Variants in GRAMD2B observed in about 807,000 individuals in gnomAD.
The protein encoded by GRAMD2B is GRAM domain containing 2B.
A neutral mutation model predicts 59.2 loss-of-function variants in GRAMD2B; 41 were observed. The observed-to-expected ratio is 0.69, with a 90% confidence interval of 0.54 to 0.90. The LOEUF is 0.90. Among genes scored for constraint, GRAMD2B ranks in the 40% least tolerant of loss-of-function variants. The pLI, the probability that GRAMD2B is intolerant of heterozygous loss-of-function variation, is 0.00. For synonymous variants in GRAMD2B, 161 were observed against 182.7 expected (o/e 0.88, Z 0.96); for missense variants, 424 against 500.5 (o/e 0.85, Z 1.46).
At chr5:126,371,218 C>T, upstream of GRAMD2B, 1 of 707,382 alleles carries the variant, frequency 1.4e-6, no homozygotes, top group Non-Finnish European at 1.8e-6. Context: ...TATTTCTTTA[C>T]AGCAAACATA....
chr5:126,409,774 C>A (rs1758606273), intron 1 of GRAMD2B, among the ~76,000 whole-genome samples: 1 of 152,058 alleles, frequency 6.6e-6, no homozygotes, highest in African/African-American at 2.4e-5. Flanking sequence ...ATGCCTATGT[C>A]CTGAATGGTA....
At chr5:126,455,106 C>G (rs1195923954) in intron 1 of GRAMD2B, among the ~76,000 whole-genome samples, 1 of 152,146 alleles carries the variant, frequency 6.6e-6, no homozygotes. Context: ...AATGTTGTCT[C>G]TGGATTTTCC....
chr5:126,369,369 T>C (rs1216825757), upstream of GRAMD2B, among the ~76,000 whole-genome samples: 3 of 152,196 alleles, frequency 2.0e-5, no homozygotes, highest in Non-Finnish European at 4.4e-5. Flanking sequence ...TTTAAAGATA[T>C]AGTTTTTTTA....
At chr5:126,444,409 AT>A (rs1665770542) in intron 1 of GRAMD2B, among the ~76,000 whole-genome samples, 1 of 152,214 alleles carries the variant, frequency 6.6e-6, no homozygotes, top group East Asian at 1.9e-4. Flanking sequence ...TGTAAAAGCC[AT>A]TTTTTATGAA....
At position 126,480,673 on chromosome 5, in the gene GRAMD2B, G is replaced by C. The variant is rs147111356; in HGVS notation, c.701G>C (p.Ser234Thr). ...NSPNPSSAEN[S>T]FRADRPSSLP... is the part of the protein sequence containing the mutation. ...CCCAATCCATCTTCTGCTGAAAACA[G>C]TTTCCGAGCAGACCGCCCTTCATCT... Residue 234 changes from serine to threonine, a missense_variant, in exon 8 of 14, where the codon AGT becomes ACT. By Grantham distance (58) the Ser-to-Thr change is moderately conservative. Coordinates refer to ENST00000285689, the MANE Select transcript of GRAMD2B (RefSeq NM_023927.4). The C allele has an allele frequency of 9.9e-6, 16 of 1,614,028 alleles. No individual in the cohort carries two copies. In the African/African-American group the frequency reaches 2.1e-4, roughly 22 times the overall value.
At chr5:126,431,210 C>T (rs1229730392) in intron 1 of GRAMD2B, among the ~76,000 whole-genome samples, 10 of 151,836 alleles carry the variant, frequency 6.6e-5, no homozygotes, top group Admixed American at 5.9e-4. Context: ...CAACTTTAGC[C>T]GACTATAAAT....
intron 1 of GRAMD2B, among the ~76,000 whole-genome samples, chr5:126,399,855 T>A (rs1273041681): frequency 1.3e-5 from 2 of 152,160 alleles, no homozygotes; most frequent in African/African-American, 2.4e-5. Flanking sequence ...CTTTCATGTA[T>A]GTCTTTAAAT....
intron 1 of GRAMD2B, among the ~76,000 whole-genome samples, chr5:126,418,336 A>C (rs765179945): frequency 3.9e-5 from 6 of 152,200 alleles, no homozygotes; most frequent in Non-Finnish European, 7.3e-5. Context: ...CATTTATTTT[A>C]ATTCTTAAAA....
At chr5:126,485,276 A>G (rs1167592746) in intron 10 of GRAMD2B, among the ~76,000 whole-genome samples, 3 of 152,106 alleles carry the variant, frequency 2.0e-5, no homozygotes, top group Non-Finnish European at 4.4e-5. Context: ...GCTTGAGCCC[A>G]GGAGGTCAAG....
chr5:126,447,150 A>G (rs1449765398), intron 1 of GRAMD2B, among the ~76,000 whole-genome samples: 1 of 152,126 alleles, frequency 6.6e-6, no homozygotes, highest in Admixed American at 6.5e-5. Context: ...TGTCTGAAGG[A>G]ATTGGAAGGG....
chr5:126,369,720 T>C (rs1359375660), upstream of GRAMD2B, among the ~76,000 whole-genome samples: 2 of 152,232 alleles, frequency 1.3e-5, no homozygotes, highest in African/African-American at 4.8e-5. Flanking sequence ...GACTGTTCAC[T>C]GACACTGGAA....
rs1653768473 is a variant in GRAMD2B, at chr5:126,485,783, T to C, written c.1058+10T>C. The C allele has an allele frequency of 6.6e-7, 1 of 1,513,486 alleles. No individual in the cohort carries two copies. Among genetic ancestry groups the C allele is most frequent in the Non-Finnish European group, 9.1e-7 (1 of 1,095,048 alleles). 93.8% of individuals were successfully genotyped at this position (1,513,486 alleles called of 1,614,324 possible). On this transcript the variant is annotated intron_variant, in intron 11 of 13. Coordinates refer to ENST00000285689, the MANE Select transcript of GRAMD2B (RefSeq NM_023927.4). ...TATTCTATGCAATTGTGTAAGTACA[T>C]GAATTTACTGTGAGTGACTAAGAAA...
chr5:126,371,647 T>C (rs1311116494), intron 1 of GRAMD2B: 35 of 1,140,976 alleles, frequency 3.1e-5, no homozygotes, highest in Non-Finnish European at 3.8e-5. Flanking sequence ...CTTGGAGAGC[T>C]CCTTTTTCAT....
At chr5:126,427,537 TC>T (rs777725599) in intron 1 of GRAMD2B, among the ~76,000 whole-genome samples, 19 of 152,172 alleles carry the variant, frequency 1.2e-4, no homozygotes, top group Non-Finnish European at 2.4e-4. Flanking sequence ...TATGTCCAAC[TC>T]CATACGGATG....
chr5:126,361,375 C>T (rs1754213185), intron 1 of GRAMD2B, among the ~76,000 whole-genome samples: 1 of 151,606 alleles, frequency 6.6e-6, no homozygotes, highest in African/African-American at 2.4e-5. Flanking sequence ...TCAGACTGGG[C>T]TTTGGATTCT....
intron 1 of GRAMD2B, among the ~76,000 whole-genome samples, chr5:126,412,008 G>A (rs1277467721): frequency 6.6e-6 from 1 of 152,024 alleles, no homozygotes; most frequent in Admixed American, 6.6e-5. Context: ...GGAGTCTTTA[G>A]GCAGAGTCTT....
rs1580841877 is a variant in GRAMD2B at position 126,411,406 on chromosome 5, T to A, written c.125+39839T>A. Among the ~76,000 whole-genome samples, 3 of 152,264 alleles carry A rather than the reference T, an allele frequency of 2.0e-5. No homozygotes were observed. In the East Asian group the frequency reaches 5.8e-4, roughly 29 times the overall value. On this transcript the variant is annotated intron_variant, in intron 1 of 8. Coordinates refer to the GRAMD2B transcript ENST00000506445. ...TTTGACAACTTTGTCAAAGGTCAGA[T>A]GACTGTAGGCATGTGGCTTGATTTG...
At chr5:126,446,230 A>T (rs55763758) in intron 1 of GRAMD2B, among the ~76,000 whole-genome samples, 1 of 152,324 alleles carries the variant, frequency 6.6e-6, no homozygotes, top group East Asian at 1.9e-4. Context: ...ATACACTGCA[A>T]TAGTTACAGA....
intron 1 of GRAMD2B, among the ~76,000 whole-genome samples, chr5:126,449,564 A>G (rs554938163): frequency 3.0e-4 from 45 of 152,308 alleles, no homozygotes; most frequent in African/African-American, 9.9e-4. Context: ...TTCCTTACGT[A>G]TGTCTAATAT....
Sources: gnomAD v4.1 joint callset for allele counts (sites outside exome capture counted in the v4.1 genomes callset) on GRCh38, gnomAD v4.1.1 for gene constraint, MANE v1.5 for transcripts, NCBI Gene and HGNC (gene_info 2026-07-23, HGNC 2026-07-21) for gene names.